The following PLEKHA4 variants were observed in gnomAD, a reference collection of about 807,000 sequenced individuals.
PLEKHA4 encodes the protein pleckstrin homology domain-containing family A member 4.
Under a neutral mutation model 94.7 loss-of-function variants are expected in PLEKHA4, and 73 were observed. The ratio of observed to expected loss-of-function variants is 0.77; its 90% CI spans 0.64 to 0.94. PLEKHA4 has a LOEUF of 0.94. PLEKHA4 is among the 40% of genes least tolerant of loss of function. The pLI, the probability that PLEKHA4 is intolerant of heterozygous loss-of-function variation, is 0.00. For missense variants in PLEKHA4, 1,049 were observed against 1,054.1 expected (o/e 1.00, Z 0.07); for synonymous variants, 449 against 437.1 (o/e 1.03, Z -0.34).
intron 6 of PLEKHA4, 111 bp downstream of exon 6, chr19:48,860,239 G>C: frequency 4.5e-6 from 4 of 887,790 alleles, no homozygotes; most frequent in Non-Finnish European, 7.1e-6. Context: ...GCCTTAGCTA[G>C]AAGACTGGTG....
At position 48,853,940 on chromosome 19, in the gene PLEKHA4, G is replaced by A. The variant is rs79047370; in HGVS notation, c.1176+67C>T. ...ACGTCCAGTCAGCATCCTGACTTCC[G>A]CATTCAGGAAGGGCTCAGGGCAGGC... On this transcript the variant is annotated intron_variant, in intron 11 of 19. Transcript: ENST00000263265. The A allele has an allele frequency of 0.016, 26,403 of 1,600,308 alleles. 1,246 individuals carry two copies. In the African/African-American group the frequency reaches 0.18, roughly 11 times the overall value.
Position 48,852,221 on chromosome 19 carries a change from G to T in PLEKHA4, c.1425+7C>A. 6.2e-7 allele frequency: 1 copy of T among 1,612,222 alleles called. No individual in the cohort carries two copies. The highest frequency in any genetic ancestry group is 8.5e-7 in the Non-Finnish European group (1 of 1,178,330). On this transcript the variant is annotated splice_region_variant and intron_variant, in intron 13 of 19. Transcript: ENST00000263265. The stretch of plus-strand genomic sequence containing the variant: ...GTGGGTCTTGGGGTCTCCAAGCAGC[G>T]ATTTACCTGGGGAGAACCAAGGTGC...
At chr19:48,842,295 C>T (rs540135293) in intron 16 of PLEKHA4, among the ~76,000 whole-genome samples, 103 of 152,080 alleles carry the variant, frequency 6.8e-4, no homozygotes, top group African/African-American at 2.3e-3. Flanking sequence ...GTAGGTGGCA[C>T]CCGCCACCAC....
chr19:48,839,337 G>T, intron 17 of PLEKHA4, 74 bp from the exon 18 acceptor site: 1 of 1,055,870 alleles, frequency 9.5e-7, no homozygotes, highest in Non-Finnish European at 1.4e-6. Context: ...GAAGTGAAGG[G>T]GGCTCCAAAA....
At chr19:48,857,823 T>G (rs956752236) in intron 8 of PLEKHA4, among the ~76,000 whole-genome samples, 4 of 150,888 alleles carry the variant, frequency 2.7e-5, no homozygotes, top group Admixed American at 1.3e-4. Flanking sequence ...AGACCTTTGT[T>G]CACTTGTTTA....
intron 3 of PLEKHA4, 63 bp downstream of exon 3, chr19:48,865,440 G>T: frequency 7.9e-7 from 1 of 1,268,256 alleles, no homozygotes; most frequent in Non-Finnish European, 1.1e-6. Context: ...CTTGCAAGGA[G>T]AGAGACAGAG....
chr19:48,851,590 C>G (rs142400604), intron 13 of PLEKHA4, among the ~76,000 whole-genome samples: 1 of 150,210 alleles, frequency 6.7e-6, no homozygotes, highest in Non-Finnish European at 1.5e-5. Flanking sequence ...CACTCCAGCC[C>G]GGGCAACAAG....
intron 12 of PLEKHA4, among the ~76,000 whole-genome samples, chr19:48,853,099 C>T (rs1481960058): frequency 3.3e-5 from 5 of 152,170 alleles, no homozygotes; most frequent in African/African-American, 1.2e-4. Flanking sequence ...CTATTATTGT[C>T]TCCATTTTAC....
intron 3 of PLEKHA4, among the ~76,000 whole-genome samples, chr19:48,862,079 G>T: frequency 6.6e-6 from 1 of 151,958 alleles, no homozygotes; most frequent in East Asian, 1.9e-4. Context: ...ACAGGAGAAA[G>T]ACCCAGAGAG....
rs73587865 is a variant in PLEKHA4, at chr19:48,837,286, G to A, written c.*3C>T. On this transcript the variant is annotated 3_prime_UTR_variant, in exon 20 of 20. Transcript: ENST00000263265. This position sits in a 1 kb window ranked among gnomAD's most constrained non-coding sequence, Gnocchi z 4.3. ...CTCCGATTGGCTGCCGCTTTTGGGC[G>A]GATTAGAAGCTGGATTGTAGCAGAG... 0.023 allele frequency: 37,426 copies of A among 1,613,856 alleles called. 2,190 individuals are homozygous for A. The highest frequency in any genetic ancestry group is 0.21 in the African/African-American group (15,762 of 74,934).
chr19:48,847,762 G>A, intron 14 of PLEKHA4, 138 bp downstream of exon 14: 2 of 992,710 alleles, frequency 2.0e-6, no homozygotes, highest in Non-Finnish European at 2.7e-6. Context: ...AGAAAACAAA[G>A]GCTTCCAGAG....
intron 3 of PLEKHA4, among the ~76,000 whole-genome samples, chr19:48,862,601 C>T (rs926332104): frequency 4.6e-5 from 7 of 152,016 alleles, no homozygotes; most frequent in African/African-American, 9.7e-5. Context: ...CTCCGCCTCC[C>T]GGGTTCACGC....
At chr19:48,849,347 C>A (rs2036095120) in intron 13 of PLEKHA4, among the ~76,000 whole-genome samples, 2 of 152,066 alleles carry the variant, frequency 1.3e-5, no homozygotes, top group African/African-American at 4.8e-5. Flanking sequence ...CTCTCCCTAT[C>A]ACCCAGGCTG....
Position 48,861,660 on chromosome 19 carries a change from G to A in PLEKHA4, c.225C>T (p.Arg75=), listed in dbSNP as rs766948331. The A allele has an allele frequency of 1.2e-6, 2 of 1,614,118 alleles. No individual in the cohort carries two copies. Among genetic ancestry groups the A allele is most frequent in the Non-Finnish European group, 1.7e-6 (2 of 1,180,040 alleles). The change falls in exon 4 of 20, where the codon CGC becomes CGT. Residue 75 remains arginine, a synonymous_variant. Coordinates refer to ENST00000263265, the MANE Select transcript of PLEKHA4 (RefSeq NM_020904.3). The stretch of plus-strand genomic sequence containing the variant: ...GGCAATGGCCGGAGAGGACGAACCA[G>A]CGGCGTTTCCAGAGACGGAGCCCCG... ...DSSGLRLWKR[R]WFVLSGHCLF...
chr19:48,844,003 G>A (rs942383610), intron 16 of PLEKHA4, among the ~76,000 whole-genome samples: 4 of 151,814 alleles, frequency 2.6e-5, no homozygotes, highest in Non-Finnish European at 5.9e-5. Context: ...GTCTTGCTAC[G>A]TTAGCCAGGC....
At chr19:48,854,395 G>A in intron 9 of PLEKHA4, 131 bp from the exon 10 acceptor site, 1 of 805,672 alleles carries the variant, frequency 1.2e-6, no homozygotes, top group South Asian at 1.7e-5. Flanking sequence ...TAGAGATAGG[G>A]TCTTGCTCTG....
At position 48,868,104 on chromosome 19, in the gene PLEKHA4, CG is replaced by C; in HGVS notation, c.-29del. ...TTACCCAGCTCTGGGGTCCCAGTGA[CG>C]GGGGGGCAAGAGGACGGTGTGGGTG... On this transcript the variant is annotated 5_prime_UTR_variant, in exon 1 of 20. Coordinates refer to ENST00000263265, the MANE Select transcript of PLEKHA4 (RefSeq NM_020904.3). The C allele has an allele frequency of 1.2e-5, 2 of 161,568 alleles. No individual in the cohort carries two copies. Among genetic ancestry groups the C allele is most frequent in the Non-Finnish European group, 2.7e-5 (2 of 72,978 alleles). The allele number at this position is 161,568 out of a possible 1,614,324, so 10.0% of individuals were successfully genotyped here.
At chr19:48,861,966 T>TA (rs1036772155) in intron 3 of PLEKHA4, among the ~76,000 whole-genome samples, 10 of 144,606 alleles carry the variant, frequency 6.9e-5, no homozygotes, top group South Asian at 2.2e-4. Flanking sequence ...TCTCTACTAC[T>TA]AAAAAAAAAA....
Position 48,851,477 on chromosome 19 carries a change from G to T in PLEKHA4, c.1425+751C>A, listed in dbSNP as rs187634978. Among the ~76,000 whole-genome samples, 528 of 151,478 alleles carry T rather than the reference G, an allele frequency of 3.5e-3. 1 individual carries two copies. The highest frequency in any genetic ancestry group is 6.1e-3 in the Non-Finnish European group (412 of 67,880). On this transcript the variant is annotated intron_variant, in intron 13 of 19. Coordinates refer to ENST00000263265, the MANE Select transcript of PLEKHA4 (RefSeq NM_020904.3). ...ACTAAAAATACAAAATTAGCTGGGC[G>T]TGGTGGCGGGCACCTGTAATCCCAG...
Sources: allele counts gnomAD v4.1 joint callset (sites outside exome capture counted in the v4.1 genomes callset), GRCh38; gene constraint gnomAD v4.1.1; non-coding constraint Gnocchi (gnomAD v3.1); transcripts MANE v1.5; gene names NCBI Gene and HGNC (gene_info 2026-07-23, HGNC 2026-07-21).